The following MEGF11 variants were observed in gnomAD, a reference collection of about 807,000 sequenced individuals.
MEGF11 encodes multiple EGF like domains 11.
Under a neutral mutation model 146.6 loss-of-function variants are expected in MEGF11, and 126 were observed. The ratio of observed to expected loss-of-function variants is 0.86; its 90% CI spans 0.74 to 1.00. The LOEUF (loss-of-function observed/expected upper bound fraction) is 1.00, where lower values mean the gene tolerates loss of function less well. Ranked by LOEUF, MEGF11 falls within the 50% of genes least tolerant of loss-of-function variation. MEGF11 has a pLI of 0.00. For missense variants in MEGF11, 1,509 were observed against 1,521.2 expected (o/e 0.99, Z 0.13); for synonymous variants, 532 against 583.4 (o/e 0.91, Z 1.27).
At chr15:66,060,923 C>A (rs1215903838) in intron 5 of MEGF11, among the ~76,000 whole-genome samples, 1 of 152,214 alleles carries the variant, frequency 6.6e-6, no homozygotes, top group Non-Finnish European at 1.5e-5. Context: ...GCAGTCTGGG[C>A]AAACCCACCT....
At chr15:66,228,168 G>C (rs188377706) in intron 1 of MEGF11, among the ~76,000 whole-genome samples, 98 of 152,272 alleles carry the variant, frequency 6.4e-4, no homozygotes, top group African/African-American at 2.1e-3. Context: ...TCCAAGGCAG[G>C]CTACTGGGGA....
intron 23 of MEGF11, among the ~76,000 whole-genome samples, chr15:65,908,453 T>G (rs1455169068): frequency 1.3e-5 from 2 of 152,168 alleles, no homozygotes; most frequent in Admixed American, 1.3e-4. Context: ...TCCAAGTCTC[T>G]TGTGTGTGTG....
chr15:66,210,564 G>A (rs530337646), intron 1 of MEGF11, among the ~76,000 whole-genome samples: 1 of 152,288 alleles, frequency 6.6e-6, no homozygotes, highest in East Asian at 1.9e-4. Flanking sequence ...CAAAGTGAAA[G>A]CTCGGCTGTA....
chr15:66,197,078 T>C (rs1436696879), intron 1 of MEGF11, among the ~76,000 whole-genome samples: 1 of 152,180 alleles, frequency 6.6e-6, no homozygotes. Context: ...CTAAAATAGC[T>C]CTCTTCTGTG....
intron 15 of MEGF11, among the ~76,000 whole-genome samples, chr15:65,921,462 C>T (rs1013751323): frequency 6.6e-6 from 1 of 152,204 alleles, no homozygotes; most frequent in African/African-American, 2.4e-5. Context: ...CAAGCTGCTT[C>T]CTCTACACAG....
chr15:66,053,787 G>C (rs2084561614), intron 5 of MEGF11, among the ~76,000 whole-genome samples: 1 of 136,708 alleles, frequency 7.3e-6, no homozygotes, highest in Non-Finnish European at 1.5e-5. Flanking sequence ...GAGTGCAGTG[G>C]TGTGATCATG....
At position 65,929,862 on chromosome 15, in the gene MEGF11, G is replaced by A. The variant is rs1216750519; in HGVS notation, c.1430C>T (p.Thr477Ile). The A allele has an allele frequency of 1.9e-6, 3 of 1,598,656 alleles. No homozygotes were observed. Among genetic ancestry groups the A allele is most frequent in the East Asian group, 4.5e-5 (2 of 44,062 alleles). Residue 477 changes from threonine to isoleucine, a missense_variant, in exon 12 of 26, where the codon ACC becomes ATC. Transcript: ENST00000395614. The part of the protein sequence containing the change: ...CKEGWQGLDC[T>I]LPCPSGTWGL... ...CCACGTCCCACTGGGACATGGCAGG[G>A]TGCAGTCCAGGCCCTGCCACCCTGA...
intron 12 of MEGF11, 60 bp from the exon 13 acceptor site, chr15:65,928,587 T>C: frequency 8.6e-7 from 1 of 1,161,518 alleles, no homozygotes. Context: ...GTTTGTGTAC[T>C]TCTATGGATC....
rs1009171536 is a variant in MEGF11 at position 66,131,584 on chromosome 15, G to A, written c.-8-3173C>T. Among the ~76,000 whole-genome samples the A allele has an allele frequency of 5.3e-5, 8 of 152,192 alleles. No homozygotes were observed. The South Asian group carries it at 8.3e-4, about 16-fold the overall frequency. On this transcript the variant is annotated intron_variant, in intron 1 of 25. Coordinates refer to ENST00000395614, the MANE Select transcript of MEGF11 (RefSeq NM_001385028.1). ...AACCAGACAGCGGAGAGCTTGCACT[G>A]CAGTACAGTGGTGGGCAGCATGGGC...
chr15:66,157,300 T>A (rs1312418709), intron 1 of MEGF11, among the ~76,000 whole-genome samples: 1 of 152,244 alleles, frequency 6.6e-6, no homozygotes, highest in African/African-American at 2.4e-5. Context: ...TGATCACAGC[T>A]AGCAGGGTGC....
At chr15:66,107,596 A>T (rs550114161) in intron 4 of MEGF11, among the ~76,000 whole-genome samples, 1 of 152,252 alleles carries the variant, frequency 6.6e-6, no homozygotes, top group African/African-American at 2.4e-5. Flanking sequence ...CTTCACACAC[A>T]TGGGACATGG....
At chr15:66,187,199 T>C (rs2090731887) in intron 1 of MEGF11, among the ~76,000 whole-genome samples, 1 of 152,238 alleles carries the variant, frequency 6.6e-6, no homozygotes, top group African/African-American at 2.4e-5. Flanking sequence ...CAAAGGACTT[T>C]CCTGGGGAAA....
intron 1 of MEGF11, among the ~76,000 whole-genome samples, chr15:66,173,553 G>A (rs2090318514): frequency 6.6e-6 from 1 of 152,152 alleles, no homozygotes; most frequent in African/African-American, 2.4e-5. Flanking sequence ...CTGACCTCAG[G>A]TGATCCACTT....
At chr15:65,936,931 G>T (rs1387909324) in intron 10 of MEGF11, among the ~76,000 whole-genome samples, 3 of 152,190 alleles carry the variant, frequency 2.0e-5, no homozygotes, top group Non-Finnish European at 2.9e-5. Flanking sequence ...AAAGCCAGGA[G>T]ATCCTGGTCT....
intron 1 of MEGF11, among the ~76,000 whole-genome samples, chr15:66,206,321 G>T (rs2091298343): frequency 6.6e-6 from 1 of 152,076 alleles, no homozygotes; most frequent in African/African-American, 2.4e-5. Flanking sequence ...TCATCAGAAG[G>T]AGAAGAGCAA....
chr15:66,200,817 G>C (rs970250383), intron 1 of MEGF11, among the ~76,000 whole-genome samples: 8 of 152,184 alleles, frequency 5.3e-5, no homozygotes, highest in African/African-American at 1.9e-4. Context: ...CTGAGGTAGG[G>C]GTTGGTGAAT....
At chr15:66,149,224 C>T (rs1368119098) in intron 1 of MEGF11, among the ~76,000 whole-genome samples, 2 of 152,306 alleles carry the variant, frequency 1.3e-5, no homozygotes, top group Admixed American at 6.5e-5. Flanking sequence ...ATAAACTCTC[C>T]AGATGCGTTC....
chr15:66,211,318 T>G (rs974323627), intron 1 of MEGF11, among the ~76,000 whole-genome samples: 1 of 152,004 alleles, frequency 6.6e-6, no homozygotes, highest in Non-Finnish European at 1.5e-5. Context: ...AGTCAGGAGA[T>G]CGAGACCATC....
intron 23 of MEGF11, among the ~76,000 whole-genome samples, chr15:65,906,918 T>C (rs940142419): frequency 2.6e-5 from 4 of 152,210 alleles, no homozygotes; most frequent in Admixed American, 2.6e-4. Flanking sequence ...ATGATGGCCC[T>C]GAGCCTCAGC....
Sources: gnomAD v4.1 joint callset for allele counts (sites outside exome capture counted in the v4.1 genomes callset) on GRCh38, gnomAD v4.1.1 for gene constraint, MANE v1.5 for transcripts, NCBI Gene and HGNC (gene_info 2026-07-23, HGNC 2026-07-21) for gene names.